Variants in ICE1 observed in about 807,000 individuals in gnomAD.
The protein encoded by ICE1 is interactor of little elongation complex ELL subunit 1.
Under a neutral mutation model 192.7 loss-of-function variants are expected in ICE1, and 64 were observed. The observed-to-expected ratio is 0.33, with a 90% CI of 0.27 to 0.41. The LOEUF is 0.41. Ranked by LOEUF, ICE1 falls within the 10% of genes least tolerant of loss-of-function variation. The probability of loss-of-function intolerance (pLI) is 1.00; values close to 1 mark genes in which losing one functional copy is unlikely to be tolerated. For synonymous variants in ICE1, 1,010 were observed against 984.5 expected (o/e 1.03, Z -0.49); for missense variants, 2,708 against 2,696.0 (o/e 1.00, Z -0.10).
chr5:5,478,654 A>C (rs534264269), intron 17 of ICE1, among the ~76,000 whole-genome samples: 6 of 152,344 alleles, frequency 3.9e-5, no homozygotes, highest in African/African-American at 1.4e-4. Context: ...AGTTGTAAGC[A>C]AAAAGAACAA....
intron 17 of ICE1, among the ~76,000 whole-genome samples, chr5:5,480,398 C>T (rs551415617): frequency 1.9e-4 from 29 of 151,748 alleles, no homozygotes; most frequent in Admixed American, 1.2e-3. Context: ...TACAGGCGCC[C>T]GCCACCACGC....
rs762878240 is a variant in ICE1 at position 5,447,718 on chromosome 5, C to T, written c.508-3C>T. On this transcript the variant is annotated splice_polypyrimidine_tract_variant and splice_region_variant and intron_variant, in intron 8 of 18. Coordinates refer to ENST00000296564, the MANE Select transcript of ICE1 (RefSeq NM_015325.3). The stretch of plus-strand genomic sequence containing the variant: ...AAACACTATTAATATTTTGTTTTCA[C>T]AGGAAAGGCTTGACGAATTTTCTAA... 3.1e-5 allele frequency: 49 copies of T among 1,577,028 alleles called. No individual in the cohort carries two copies. In the South Asian group the frequency reaches 5.2e-4, roughly 17 times the overall value.
At chr5:5,443,074 A>T in intron 5 of ICE1, 94 bp from the exon 6 acceptor site, 1 of 662,372 alleles carries the variant, frequency 1.5e-6, no homozygotes, top group Non-Finnish European at 2.5e-6. Context: ...ATGTCTGTTT[A>T]TTTGGTTAAT....
intron 1 of ICE1, among the ~76,000 whole-genome samples, chr5:5,431,780 C>A (rs562429523): frequency 6.6e-6 from 1 of 151,864 alleles, no homozygotes; most frequent in Non-Finnish European, 1.5e-5. Context: ...ATATTCCAGG[C>A]CCTTTCAATT....
Position 5,462,160 on chromosome 5 carries a change from T to C in ICE1, c.2826T>C (p.Gly942=). 6.2e-7 allele frequency: 1 copy of C among 1,613,540 alleles called. No homozygotes were observed. The highest frequency in any genetic ancestry group is 8.5e-7 in the Non-Finnish European group (1 of 1,179,584). ...RRKLDFNSPG[G]SSPVENSDCS... is the part of the protein sequence containing the mutation. ...AATTAGATTTTAATTCTCCAGGTGG[T>C]TCTTCACCAGTAGAAAATTCTGATT... The change falls in exon 13 of 19, where the codon GGT becomes GGC. Residue 942 remains glycine, a synonymous_variant. Coordinates refer to ENST00000296564, the MANE Select transcript of ICE1 (RefSeq NM_015325.3).
intron 1 of ICE1, among the ~76,000 whole-genome samples, chr5:5,435,961 C>T (rs1277088280): frequency 2.0e-5 from 3 of 152,006 alleles, no homozygotes; most frequent in Admixed American, 6.6e-5. Context: ...TCACCGCACC[C>T]GGCCTAGATC....
At chr5:5,449,128 A>AT (rs1561081382) in intron 10 of ICE1, among the ~76,000 whole-genome samples, 1 of 151,870 alleles carries the variant, frequency 6.6e-6, no homozygotes, top group African/African-American at 2.4e-5. Context: ...ATTCTGTTGT[A>AT]TTTTTTTCAA....
intron 15 of ICE1, among the ~76,000 whole-genome samples, chr5:5,473,250 C>T (rs1739217476): frequency 2.0e-5 from 3 of 152,158 alleles, no homozygotes; most frequent in Non-Finnish European, 4.4e-5. Flanking sequence ...AACTAGCTTT[C>T]TAACTTTAAT....
At chr5:5,424,113 T>C (rs1390379578) in intron 1 of ICE1, among the ~76,000 whole-genome samples, 3 of 152,140 alleles carry the variant, frequency 2.0e-5, no homozygotes, top group African/African-American at 7.2e-5. Flanking sequence ...GCAGGGTGTC[T>C]TTGATGAGCA....
At chr5:5,477,343 G>A (rs1439477941) in intron 17 of ICE1, among the ~76,000 whole-genome samples, 1 of 152,200 alleles carries the variant, frequency 6.6e-6, no homozygotes. Context: ...ACTGCCATCA[G>A]AGAATACTGT....
chr5:5,437,107 A>G lies in ICE1; in HGVS notation c.171A>G (p.Lys57=), dbSNP rs1021249632. Residue 57 remains lysine (K), a synonymous_variant, in exon 3 of 19, where the codon AAA becomes AAG. Transcript: ENST00000296564. ...TDNLLTEYQK[K]CDELQFARRE... is the part of the protein sequence containing the mutation. ...ATTTGTTAACAGAATATCAGAAGAAATGTGATGATATCCTTTTACTGGCTT... is the reference window on the plus strand; with the variant it reads ...ATTTGTTAACAGAATATCAGAAGAAGTGTGATGATATCCTTTTACTGGCTT... The G allele has an allele frequency of 6.5e-7, 1 of 1,534,508 alleles. No individual in the cohort carries two copies. Among genetic ancestry groups the G allele is most frequent in the African/African-American group, 1.4e-5 (1 of 73,416 alleles).
At chr5:5,459,997 C>A (rs1395193299) in intron 12 of ICE1, among the ~76,000 whole-genome samples, 15 of 152,246 alleles carry the variant, frequency 9.9e-5, no homozygotes, top group Non-Finnish European at 4.4e-5. Context: ...CCCTCCCCCC[C>A]TGCACAAGGC....
chr5:5,443,298 T>C (rs1268825126), intron 6 of ICE1, 54 bp downstream of exon 6: 9 of 985,344 alleles, frequency 9.1e-6, no homozygotes, highest in Admixed American at 3.4e-5. Context: ...TGAAAATACG[T>C]AATTCTTAAG....
rs781682790 is a variant in ICE1 at position 5,439,367 on chromosome 5, A to AT, written c.179-528_179-527insT. Among the ~76,000 whole-genome samples, 5 of 152,196 alleles carry AT rather than the reference A, an allele frequency of 3.3e-5. No homozygotes were observed. In the East Asian group the frequency reaches 9.6e-4, roughly 29 times the overall value. ...TAAAGGAATTGTTTTTTGCTATCTTAGAATATTTTACTAGCAGTATGAGAT... is the reference window on the plus strand; with the variant it reads ...TAAAGGAATTGTTTTTTGCTATCTTATGAATATTTTACTAGCAGTATGAGAT... On this transcript the variant is annotated intron_variant, in intron 3 of 18. Coordinates refer to ENST00000296564, the MANE Select transcript of ICE1 (RefSeq NM_015325.3).
In ICE1 at chr5:5,423,014, G is replaced by A; in HGVS notation, c.84+15G>A. On this transcript the variant is annotated intron_variant, in intron 1 of 18. Transcript: ENST00000296564. ...CTCTGCAGCAGGTGCAGCACCTCCC[G>A]GGGCCCCGGGCGCGGGGGGGGACTC... The A allele has an allele frequency of 7.3e-7, 1 of 1,369,872 alleles. No homozygotes were observed. The highest frequency in any genetic ancestry group is 9.5e-7 in the Non-Finnish European group (1 of 1,057,742). The allele number at this position is 1,369,872 out of a possible 1,614,324, so 84.9% of individuals were successfully genotyped here.
intron 12 of ICE1, 110 bp downstream of exon 12, chr5:5,457,851 T>C: frequency 8.6e-7 from 1 of 1,159,458 alleles, no homozygotes; most frequent in Non-Finnish European, 1.2e-6. Flanking sequence ...TTATTCATTT[T>C]AGCCAATTTT....
intron 12 of ICE1, among the ~76,000 whole-genome samples, chr5:5,459,741 A>T (rs927682962): frequency 6.6e-6 from 1 of 152,208 alleles, no homozygotes; most frequent in Admixed American, 6.5e-5. Context: ...AACAGAATAG[A>T]GACAAGGTGG....
At chr5:5,427,871 G>A (rs1737571940) in intron 1 of ICE1, among the ~76,000 whole-genome samples, 1 of 152,140 alleles carries the variant, frequency 6.6e-6, no homozygotes, top group Admixed American at 6.5e-5. Flanking sequence ...CACAGTATAG[G>A]TATAATATAA....
In ICE1 at chr5:5,464,014, CAA is replaced by C; in HGVS notation, c.4682_4683del (p.Lys1561ArgfsTer16). ...ATAAGAATCGATCAAAGATTTCAAA[CAA>C]AGATCAGTCAAACAAACCAGTAAAA... The part of the protein sequence containing the change: ...KNKNRSKISN[K>X]DQSNKPVKTS... On this transcript the variant is annotated frameshift_variant, in exon 13 of 19. Transcript: ENST00000296564. LOFTEE classifies it high-confidence loss of function. This position sits in a 1 kb window ranked among gnomAD's most constrained non-coding sequence, Gnocchi z 4.0. 3 of 1,613,584 alleles carry C rather than the reference CAA, an allele frequency of 1.9e-6. No homozygotes were observed. The highest frequency in any genetic ancestry group is 2.5e-6 in the Non-Finnish European group (3 of 1,179,766).
Sources: gnomAD v4.1 joint callset for allele counts (sites outside exome capture counted in the v4.1 genomes callset) on GRCh38, gnomAD v4.1.1 for gene constraint, Gnocchi (gnomAD v3.1) non-coding constraint, MANE v1.5 for transcripts, NCBI Gene and HGNC (gene_info 2026-07-23, HGNC 2026-07-21) for gene names.